MGST2: variants seen among roughly 807,000 people sequenced by gnomAD.
The protein encoded by MGST2 is glutathione peroxidase MGST2.
A neutral mutation model predicts 16.6 loss-of-function variants in MGST2; 9 were observed. That is an observed-to-expected ratio of 0.54 (90% confidence interval 0.33 to 0.95). MGST2 has a LOEUF of 0.95. Among genes scored for constraint, MGST2 ranks in the 40% least tolerant of loss-of-function variants. MGST2 has a pLI of 0.03. For synonymous variants in MGST2, 79 were observed against 68.0 expected (o/e 1.16, Z -0.79); for missense variants, 159 against 175.1 (o/e 0.91, Z 0.52).
chr4:139,682,736 T>C (rs1731323582), intron 2 of MGST2, among the ~76,000 whole-genome samples: 1 of 152,064 alleles, frequency 6.6e-6, no homozygotes, highest in African/African-American at 2.4e-5. Context: ...CAAGAGATGA[T>C]GGTGGCTGTG....
downstream of MGST2, among the ~76,000 whole-genome samples, chr4:139,707,723 T>A (rs1405132241): frequency 4.6e-5 from 7 of 151,784 alleles, no homozygotes; most frequent in East Asian, 1.4e-3. Context: ...ACCTGTTGTT[T>A]CCTGACTTTT....
intron 5 of MGST2, among the ~76,000 whole-genome samples, chr4:139,712,348 A>G (rs1727776864): frequency 6.6e-6 from 1 of 152,234 alleles, no homozygotes; most frequent in Non-Finnish European, 1.5e-5. Context: ...AACAAACTTA[A>G]AAACAACTAG....
intron 5 of MGST2, chr4:139,719,101 A>C: frequency 1.9e-6 from 1 of 532,086 alleles, no homozygotes. Flanking sequence ...CGCAGCCGGG[A>C]TCTGCATGGC....
chr4:139,745,921 G>A, the MGST2 span, among the ~76,000 whole-genome samples: 2 of 152,282 alleles, frequency 1.3e-5, no homozygotes, highest in South Asian at 4.2e-4. Context: ...ACTTGGAGAA[G>A]AAGAAACCTT....
At chr4:139,709,395 C>T (rs756417211) in intron 5 of MGST2, among the ~76,000 whole-genome samples, 1 of 151,954 alleles carries the variant, frequency 6.6e-6, no homozygotes, top group Non-Finnish European at 1.5e-5. Context: ...ACAATGGAAA[C>T]AATTTAAGCA....
chr4:139,671,841 C>T (rs976749761), intron 1 of MGST2, among the ~76,000 whole-genome samples: 16 of 152,004 alleles, frequency 1.1e-4, no homozygotes, highest in Non-Finnish European at 1.6e-4. Flanking sequence ...GGGGTTTCAC[C>T]GTGTGGGCCA....
At chr4:139,729,665 A>G (rs552083079) in intron 5 of MGST2, among the ~76,000 whole-genome samples, 3 of 152,292 alleles carry the variant, frequency 2.0e-5, no homozygotes, top group Admixed American at 1.3e-4. Flanking sequence ...TTTCCCTAGG[A>G]TAATGCTAAG....
chr4:139,702,117 T>C (rs924643677), intron 3 of MGST2, among the ~76,000 whole-genome samples: 1 of 152,184 alleles, frequency 6.6e-6, no homozygotes, highest in African/African-American at 2.4e-5. Flanking sequence ...GGCCCTAACA[T>C]AGGGAAGACA....
intron 5 of MGST2, chr4:139,731,193 A>T (rs889767738): frequency 6.2e-6 from 1 of 160,852 alleles, no homozygotes; most frequent in Non-Finnish European, 1.4e-5. Flanking sequence ...AACATTTGAG[A>T]GCTTAGATAT....
At chr4:139,709,913 A>G (rs1727675161) in intron 5 of MGST2, among the ~76,000 whole-genome samples, 1 of 152,240 alleles carries the variant, frequency 6.6e-6, no homozygotes, top group African/African-American at 2.4e-5. Context: ...TGTCTGTGCC[A>G]GCTACTCCAG....
At chr4:139,669,156 G>T (rs565581551) in intron 1 of MGST2, among the ~76,000 whole-genome samples, 1 of 152,094 alleles carries the variant, frequency 6.6e-6, no homozygotes, top group Non-Finnish European at 1.5e-5. Flanking sequence ...GCCTGAACTC[G>T]TTTTTTAGGT....
At chr4:139,695,577 G>A (rs575749844) in intron 3 of MGST2, among the ~76,000 whole-genome samples, 31 of 152,166 alleles carry the variant, frequency 2.0e-4, no homozygotes, top group Non-Finnish European at 4.0e-4. Context: ...AGCTGAGATC[G>A]TGCCACTACA....
chr4:139,678,213 T>C (rs1270453506), intron 1 of MGST2, among the ~76,000 whole-genome samples: 1 of 152,240 alleles, frequency 6.6e-6, no homozygotes, highest in East Asian at 1.9e-4. Context: ...CTTTGGCCCC[T>C]ACAGTATGGA....
the MGST2 span, among the ~76,000 whole-genome samples, chr4:139,753,585 C>T: frequency 1.3e-5 from 2 of 152,030 alleles, no homozygotes; most frequent in African/African-American, 2.4e-5. Flanking sequence ...TATAATTTTA[C>T]AAAATAAGTG....
exon 6 of MGST2, chr4:139,740,420 G>A (rs1207464889): frequency 1.3e-5 from 2 of 152,174 alleles, no homozygotes; most frequent in South Asian, 2.1e-4. Context: ...TGGACTGAAA[G>A]TGGTTTGTCA....
intron 1 of MGST2, among the ~76,000 whole-genome samples, chr4:139,678,048 A>G (rs1187581380): frequency 6.6e-6 from 1 of 152,192 alleles, no homozygotes; most frequent in East Asian, 1.9e-4. Flanking sequence ...TCAAGATGGC[A>G]TATGAACTTC....
At chr4:139,709,009 A>T (rs75015777), downstream of MGST2, among the ~76,000 whole-genome samples, 1 of 129,732 alleles carries the variant, frequency 7.7e-6, no homozygotes, top group Non-Finnish European at 1.7e-5. Flanking sequence ...CAAAAAAAAA[A>T]AAAAAAGAAA....
At chr4:139,752,872 C>T in the MGST2 span, among the ~76,000 whole-genome samples, 32,607 of 152,102 alleles carry the variant, frequency 0.21, 3,840 homozygotes, top group Admixed American at 0.35. Flanking sequence ...ATGTCATTAG[C>T]TACTTCCTTG....
At chr4:139,717,110 T>C (rs1351393689) in intron 5 of MGST2, 4 of 152,478 alleles carry the variant, frequency 2.6e-5, no homozygotes, top group Non-Finnish European at 5.9e-5. Flanking sequence ...TAAAAACTTA[T>C]GTACAAATAA....
Sources: gnomAD v4.1 joint callset for allele counts (sites outside exome capture counted in the v4.1 genomes callset) on GRCh38, gnomAD v4.1.1 for gene constraint, MANE v1.5 for transcripts, NCBI Gene and HGNC (gene_info 2026-07-23, HGNC 2026-07-21) for gene names.